Variants in VPS35L observed in about 807,000 individuals in gnomAD.
The protein encoded by VPS35L is VPS35 endosomal protein-sorting factor-like.
A neutral mutation model predicts 133.0 loss-of-function variants in VPS35L; 83 were observed. The observed-to-expected ratio is 0.62, with a 90% CI of 0.52 to 0.75. The LOEUF (loss-of-function observed/expected upper bound fraction) is 0.75. VPS35L is among the 30% of genes least tolerant of loss of function. VPS35L has a pLI of 0.00. For synonymous variants in VPS35L, 423 were observed against 449.9 expected (o/e 0.94, Z 0.76); for missense variants, 1,083 against 1,206.8 (o/e 0.90, Z 1.52).
At chr16:19,609,116 C>G in intron 11 of VPS35L, 95 bp downstream of exon 11, 2 of 1,045,494 alleles carry the variant, frequency 1.9e-6, no homozygotes, top group South Asian at 2.6e-5. Flanking sequence ...AGCCATTATT[C>G]ACTGAGTACT....
rs765278498 is a variant in VPS35L, at chr16:19,669,299, G to A, written c.2361G>A (p.Pro787=). The change falls in exon 27 of 31, where the codon CCG becomes CCA. Residue 787 remains proline, a splice_region_variant and synonymous_variant. Transcript: ENST00000417362. ...CNFFSTLLIV[P]DHPEHGVLFL... ...TCTTTTCTACTTTATTAATAGTTCCGGTACGTTTCCTCAGCAGAACCGCAG... is the reference window on the plus strand; with the variant it reads ...TCTTTTCTACTTTATTAATAGTTCCAGTACGTTTCCTCAGCAGAACCGCAG... 1.3e-5 allele frequency: 21 copies of A among 1,605,180 alleles called. No homozygotes were observed. Among genetic ancestry groups the A allele is most frequent in the African/African-American group, 2.7e-5 (2 of 74,714 alleles).
rs915314991 is a variant in VPS35L at position 19,637,511 on chromosome 16, T to A, written c.1636-83T>A. On this transcript the variant is annotated intron_variant, in intron 19 of 30. Coordinates refer to ENST00000417362, the MANE Select transcript of VPS35L (RefSeq NM_020314.7). ...TTGCCTTTTTAAAAAAAAATTTAGG[T>A]TTTCCTGAGAGAATGTAAACCAGAA... The A allele has an allele frequency of 2.8e-6, 3 of 1,060,336 alleles. No homozygotes were observed. The Admixed American group carries it at 8.5e-5, about 30-fold the overall frequency. The allele number at this position is 1,060,336 out of a possible 1,614,324, so 65.7% of individuals were successfully genotyped here. A position where few individuals can be genotyped will look rare whatever the true frequency, so the allele number is the denominator to read the frequency against.
intron 28 of VPS35L, among the ~76,000 whole-genome samples, chr16:19,688,165 GACCTAC>G (rs984634901): frequency 6.7e-6 from 1 of 150,100 alleles, no homozygotes; most frequent in African/African-American, 2.4e-5. Context: ...GAGCTCAAGT[GACCTAC>G]CTGCCTTGGC....
chr16:19,579,990 A>C (rs1971658033), intron 6 of VPS35L: 1 of 151,808 alleles, frequency 6.6e-6, no homozygotes, highest in South Asian at 2.1e-4. Context: ...TCCTGAGGTC[A>C]GGAGTTTGAG....
In VPS35L at chr16:19,612,717, A is replaced by G. The variant is rs140593880; in HGVS notation, c.1023+2302A>G. 2.2e-3 allele frequency among the ~76,000 whole-genome samples: 334 copies of G among 152,350 alleles called. 1 individual carries two copies. Among genetic ancestry groups the G allele is most frequent in the African/African-American group, 7.7e-3 (322 of 41,576 alleles). On this transcript the variant is annotated intron_variant, in intron 12 of 30. Transcript: ENST00000417362. ...CAAATAATTCTGGTTATTAAAGAGA[A>G]ATCAGAATGTGGGGAAGTATGTATT...
intron 27 of VPS35L, among the ~76,000 whole-genome samples, chr16:19,676,858 C>T (rs1436291927): frequency 1.3e-5 from 2 of 152,012 alleles, no homozygotes; most frequent in African/African-American, 4.8e-5. Context: ...CACAAAGCGC[C>T]ATAAAGAACT....
chr16:19,677,321 G>T (rs1196671520), intron 27 of VPS35L, among the ~76,000 whole-genome samples: 1 of 152,132 alleles, frequency 6.6e-6, no homozygotes, highest in South Asian at 2.1e-4. Flanking sequence ...CTGACCTCGT[G>T]ATCCACCTGC....
chr16:19,668,907 T>A (rs1974783082), intron 26 of VPS35L, among the ~76,000 whole-genome samples: 1 of 152,222 alleles, frequency 6.6e-6, no homozygotes, highest in South Asian at 2.1e-4. Flanking sequence ...TTTACAAAAA[T>A]TTGCGACCTG....
chr16:19,622,936 C>T (rs537506367), intron 14 of VPS35L, among the ~76,000 whole-genome samples: 366 of 152,224 alleles, frequency 2.4e-3, no homozygotes, highest in Middle Eastern at 0.024. Flanking sequence ...TGGAGGCTCT[C>T]GGGTGATCAG....
In VPS35L at chr16:19,608,100, G is replaced by A. The variant is rs1597354511; in HGVS notation, c.785-78G>A. Reference sequence around the variant, plus strand: ...GAGTCACCCCCTTTTCTGCTCCAGGGTAATGTATTCCCATCCAGGGACTCA... The same window carrying A: ...GAGTCACCCCCTTTTCTGCTCCAGGATAATGTATTCCCATCCAGGGACTCA... On this transcript the variant is annotated intron_variant, in intron 9 of 30. Coordinates refer to ENST00000417362, the MANE Select transcript of VPS35L (RefSeq NM_020314.7). The A allele has an allele frequency of 1.8e-5, 19 of 1,039,932 alleles. No individual in the cohort carries two copies. The South Asian group carries it at 2.3e-4, about 13-fold the overall frequency. The allele number at this position is 1,039,932 out of a possible 1,614,324, so 64.4% of individuals were successfully genotyped here.
intron 7 of VPS35L, among the ~76,000 whole-genome samples, chr16:19,588,506 C>T (rs748256261): frequency 2.0e-5 from 3 of 151,750 alleles, no homozygotes; most frequent in Admixed American, 1.3e-4. Context: ...TGGTGTAAGT[C>T]TTTTAACTTT....
chr16:19,689,062 TG>T (rs11327239), intron 28 of VPS35L, among the ~76,000 whole-genome samples: 60,423 of 145,744 alleles, frequency 0.41, 13,411 homozygotes, highest in African/African-American at 0.56. Flanking sequence ...TTTTTTGAGA[TG>T]GAGTCCCACT....
At chr16:19,657,885 A>T (rs539579316) in intron 26 of VPS35L, among the ~76,000 whole-genome samples, 50 of 152,280 alleles carry the variant, frequency 3.3e-4, no homozygotes, top group Admixed American at 5.9e-4. Flanking sequence ...GTTTGATTTG[A>T]TTGTTTTCTC....
At chr16:19,679,660 A>G (rs896877780) in intron 27 of VPS35L, among the ~76,000 whole-genome samples, 7 of 151,826 alleles carry the variant, frequency 4.6e-5, no homozygotes, top group Admixed American at 3.9e-4. Context: ...GCACACCACC[A>G]CACCCGGCTA....
chr16:19,568,079 C>A (rs1971243801), intron 2 of VPS35L, among the ~76,000 whole-genome samples: 1 of 152,010 alleles, frequency 6.6e-6, no homozygotes, highest in Admixed American at 6.6e-5. Flanking sequence ...TAGTGGCTCA[C>A]AGAACTAGGG....
chr16:19,601,230 C>T (rs958406925), intron 8 of VPS35L, among the ~76,000 whole-genome samples: 3 of 152,170 alleles, frequency 2.0e-5, no homozygotes, highest in African/African-American at 7.2e-5. Context: ...TGCCCAGCCT[C>T]TTCCAGTTTT....
Position 19,699,928 on chromosome 16 carries a change from T to A in VPS35L, c.2793+280T>A, listed in dbSNP as rs1297458240. ...GCCTGGGCAACATAGTGAGACCAGG[T>A]CTCTACAAAAAATAAAAAATTAGCC... On this transcript the variant is annotated intron_variant, in intron 30 of 30. Transcript: ENST00000417362. The surrounding 1 kb of genome is among the most constrained non-coding windows in gnomAD (Gnocchi z 4.2). 6.6e-6 allele frequency among the ~76,000 whole-genome samples: 1 copy of A among 151,924 alleles called. No homozygotes were observed. Among genetic ancestry groups the A allele is most frequent in the Non-Finnish European group, 1.5e-5 (1 of 67,988 alleles).
chr16:19,636,316 G>T (rs1412130079), intron 19 of VPS35L, among the ~76,000 whole-genome samples: 3 of 152,132 alleles, frequency 2.0e-5, no homozygotes, highest in Non-Finnish European at 4.4e-5. Flanking sequence ...TAAAATCTAG[G>T]TGGTGAATAA....
At chr16:19,624,040 G>A (rs1331071009) in intron 14 of VPS35L, among the ~76,000 whole-genome samples, 1 of 147,876 alleles carries the variant, frequency 6.8e-6, no homozygotes, top group East Asian at 2.0e-4. Flanking sequence ...CTAAGGTCAA[G>A]CCATCTGTCC....
Sources: gnomAD v4.1 joint callset for allele counts (sites outside exome capture counted in the v4.1 genomes callset) on GRCh38, gnomAD v4.1.1 for gene constraint, Gnocchi (gnomAD v3.1) non-coding constraint, MANE v1.5 for transcripts, NCBI Gene and HGNC (gene_info 2026-07-23, HGNC 2026-07-21) for gene names.